The following UTRN variants were observed in gnomAD, a reference collection of about 807,000 sequenced individuals.
The protein encoded by UTRN is utrophin.
In UTRN, 283 loss-of-function variants were observed where a neutral mutation model predicts 463.9. The ratio of observed to expected loss-of-function variants is 0.61; its 90% CI spans 0.55 to 0.67. UTRN has a LOEUF of 0.67. Among genes scored for constraint, UTRN ranks in the 30% least tolerant of loss-of-function variants. UTRN has a pLI of 0.00. For synonymous variants in UTRN, 1,442 were observed against 1,431.5 expected, an observed-to-expected ratio of 1.01 and a Z score of -0.17; for missense variants, 3,922 against 4,084.3, an observed-to-expected ratio of 0.96 and a Z score of 1.08.
At chr6:144,650,888 G>A (rs1778751181) in intron 51 of UTRN, among the ~76,000 whole-genome samples, 1 of 151,970 alleles carries the variant, frequency 6.6e-6, no homozygotes, top group Non-Finnish European at 1.5e-5. Flanking sequence ...CAGCCTGAGC[G>A]ACAGAGCAAG....
chr6:144,557,971 T>TA (rs922314479), intron 50 of UTRN, among the ~76,000 whole-genome samples: 5 of 152,114 alleles, frequency 3.3e-5, no homozygotes, highest in Non-Finnish European at 5.9e-5. Flanking sequence ...TCATCATTAG[T>TA]AAAAAAAGAT....
chr6:144,713,387 C>A (rs929950170), intron 53 of UTRN, among the ~76,000 whole-genome samples: 1 of 151,384 alleles, frequency 6.6e-6, no homozygotes, highest in Non-Finnish European at 1.5e-5. Flanking sequence ...GAGTGGATCA[C>A]CTGAGGTCAG....
chr6:144,764,759 G>GA (rs1314824455), intron 58 of UTRN, among the ~76,000 whole-genome samples: 2 of 151,996 alleles, frequency 1.3e-5, no homozygotes, highest in South Asian at 2.1e-4. Context: ...TAACCATATA[G>GA]AAAAAAATAG....
intron 2 of UTRN, among the ~76,000 whole-genome samples, chr6:144,319,856 A>ATTTTTT (rs36057957): frequency 7.1e-6 from 1 of 141,676 alleles, no homozygotes; most frequent in South Asian, 2.2e-4. Context: ...ACTTAAGTAC[A>ATTTTTT]TTTTTTTTTT....
chr6:144,802,893 C>A (rs986253562), intron 64 of UTRN, 143 bp from the exon 65 acceptor site: 38 of 445,568 alleles, frequency 8.5e-5, no homozygotes, highest in Non-Finnish European at 1.3e-4. Context: ...CATGTATAAA[C>A]AGATAGAAGC....
chr6:144,588,406 C>G (rs568021122), intron 51 of UTRN, among the ~76,000 whole-genome samples: 1 of 152,152 alleles, frequency 6.6e-6, no homozygotes, highest in Non-Finnish European at 1.5e-5. Context: ...AGATCTGATG[C>G]AATGCTTTGT....
At chr6:144,813,943 T>G (rs913163985) in intron 65 of UTRN, among the ~76,000 whole-genome samples, 1 of 152,166 alleles carries the variant, frequency 6.6e-6, no homozygotes, top group African/African-American at 2.4e-5. Context: ...GCAAAACTTC[T>G]GGGAATAGAA....
chr6:144,632,812 C>T (rs770709232), intron 51 of UTRN, among the ~76,000 whole-genome samples: 1 of 151,790 alleles, frequency 6.6e-6, no homozygotes, highest in South Asian at 2.1e-4. Context: ...ACCTCCGCCT[C>T]CCGGGTTCAA....
chr6:144,777,852 G>A (rs988578702), intron 60 of UTRN, among the ~76,000 whole-genome samples: 19 of 152,154 alleles, frequency 1.2e-4, no homozygotes, highest in Non-Finnish European at 2.5e-4. Flanking sequence ...TGTAGATGGT[G>A]TTCAAGGAAC....
chr6:144,772,581 C>CA (rs1342316936), intron 59 of UTRN, among the ~76,000 whole-genome samples: 9 of 152,172 alleles, frequency 5.9e-5, no homozygotes, highest in East Asian at 3.9e-4. Context: ...GCTTTGCACG[C>CA]AAAAAATATA....
At chr6:144,601,677 C>A (rs1247667113) in intron 51 of UTRN, among the ~76,000 whole-genome samples, 2 of 152,126 alleles carry the variant, frequency 1.3e-5, no homozygotes, top group Non-Finnish European at 1.5e-5. Context: ...GAATACTACA[C>A]AAACTTAGTA....
rs764562649 is a variant in UTRN, at chr6:144,424,014, A to G, written c.341A>G (p.Asp114Gly). The G allele has an allele frequency of 1.7e-5, 27 of 1,614,070 alleles. No homozygotes were observed. The Admixed American group carries it at 3.3e-4, about 20-fold the overall frequency. The change falls in exon 6 of 75, where the codon GAC (aspartate) becomes GGC (glycine). Residue 114 changes from aspartate to glycine, a missense_variant. Physicochemically the swap from Asp to Gly is moderately conservative, Grantham distance 94. Transcript: ENST00000367545. ...NVELVNIGGTDIVDGNHKLTL... is the reference protein window; with the variant it reads ...NVELVNIGGTGIVDGNHKLTL... ...GAATTAGTGAATATAGGGGGAACTG[A>G]CATTGTGGATGGAAATCACAAACTG...
At chr6:144,757,642 A>G (rs986670266) in intron 57 of UTRN, among the ~76,000 whole-genome samples, 5 of 152,132 alleles carry the variant, frequency 3.3e-5, no homozygotes, top group African/African-American at 1.2e-4. Context: ...ACTAAGGTTT[A>G]AACTGTAGTA....
intron 13 of UTRN, 123 bp from the exon 14 acceptor site, chr6:144,444,158 A>G: frequency 1.3e-6 from 1 of 770,746 alleles, no homozygotes; most frequent in Non-Finnish European, 1.9e-6. Context: ...AATTTTTATA[A>G]AAATACTTTT....
chr6:144,306,792 A>G (rs1047288213), intron 2 of UTRN, among the ~76,000 whole-genome samples: 9 of 151,904 alleles, frequency 5.9e-5, no homozygotes, highest in African/African-American at 2.2e-4. Flanking sequence ...GTGGTGGATC[A>G]TGCCTGGAAT....
chr6:144,519,736 A>G (rs1012729710), intron 39 of UTRN, among the ~76,000 whole-genome samples: 3 of 152,184 alleles, frequency 2.0e-5, no homozygotes, highest in African/African-American at 7.2e-5. Flanking sequence ...GGATTGTCCT[A>G]TAGTCTGAAA....
At chr6:144,443,003 T>C (rs1328579566) in intron 13 of UTRN, among the ~76,000 whole-genome samples, 1 of 152,202 alleles carries the variant, frequency 6.6e-6, no homozygotes, top group Non-Finnish European at 1.5e-5. Flanking sequence ...CTAGTAGGAT[T>C]CAATATCTCA....
rs1194864109 is a variant in UTRN at position 144,851,013 on chromosome 6, A to G, written c.*16A>G. The G allele has an allele frequency of 1.2e-6, 2 of 1,613,656 alleles. No individual in the cohort carries two copies. The highest frequency in any genetic ancestry group is 4.5e-5 in the East Asian group (2 of 44,876). ...GGCAATGTGAAGTATTCATCCGGCC[A>G]ACCAATGTTTCCTGACGTACAGTGT... On this transcript the variant is annotated 3_prime_UTR_variant, in exon 75 of 75. Coordinates refer to ENST00000367545, the MANE Select transcript of UTRN (RefSeq NM_007124.3).
At chr6:144,591,553 A>G (rs1459669071) in intron 51 of UTRN, among the ~76,000 whole-genome samples, 1 of 152,226 alleles carries the variant, frequency 6.6e-6, no homozygotes, top group Non-Finnish European at 1.5e-5. Context: ...ATCCTATTCC[A>G]TTGCCAGAAA....
Sources: allele counts gnomAD v4.1 joint callset (sites outside exome capture counted in the v4.1 genomes callset), GRCh38; gene constraint gnomAD v4.1.1; transcripts MANE v1.5; gene names NCBI Gene and HGNC (gene_info 2026-07-23, HGNC 2026-07-21).